The following SLC38A6 variants were observed in gnomAD, a reference collection of about 807,000 sequenced individuals.
SLC38A6 encodes the protein solute carrier family 38 member 6, also known as N system amino acid transporter NAT-1.
In SLC38A6, 73 loss-of-function variants were observed where a neutral mutation model predicts 65.0. The observed-to-expected ratio is 1.12, with a 90% CI of 0.93 to 1.37. The LOEUF (loss-of-function observed/expected upper bound fraction) is 1.37. Ranked by LOEUF, SLC38A6 falls within the 40% of genes most tolerant of loss-of-function variation. The probability of loss-of-function intolerance (pLI) is 0.00; values close to 1 mark genes in which losing one functional copy is unlikely to be tolerated. For missense variants in SLC38A6, 561 were observed against 531.1 expected (o/e 1.06, Z -0.55); for synonymous variants, 183 against 178.8 (o/e 1.02, Z -0.19).
chr14:61,068,041 T>C (rs1424366460), intron 15 of SLC38A6, among the ~76,000 whole-genome samples: 1 of 152,166 alleles, frequency 6.6e-6, no homozygotes, highest in Non-Finnish European at 1.5e-5. Context: ...ATTCCTGTAG[T>C]GTCATCTAAC....
intron 12 of SLC38A6, 107 bp downstream of exon 12, chr14:61,046,274 A>C (rs1228384111): frequency 1.9e-5 from 13 of 690,996 alleles, no homozygotes; most frequent in Non-Finnish European, 3.2e-5. Flanking sequence ...TAATTTGCTC[A>C]GATCACCAAA....
At chr14:60,985,671 T>C (rs937690005) in intron 3 of SLC38A6, among the ~76,000 whole-genome samples, 1 of 152,220 alleles carries the variant, frequency 6.6e-6, no homozygotes, top group Non-Finnish European at 1.5e-5. Flanking sequence ...ATGGATTTCT[T>C]AATTCATTTA....
At chr14:61,076,262 C>A (rs1316573076) in intron 15 of SLC38A6, among the ~76,000 whole-genome samples, 2 of 152,170 alleles carry the variant, frequency 1.3e-5, no homozygotes, top group Non-Finnish European at 2.9e-5. Context: ...TTATAATTCC[C>A]TGGTTTTCTT....
downstream of SLC38A6, among the ~76,000 whole-genome samples, chr14:61,053,922 G>A (rs538067301): frequency 6.6e-6 from 1 of 151,970 alleles, no homozygotes; most frequent in African/African-American, 2.4e-5. Flanking sequence ...GCAATTGCTT[G>A]GTGCCTTTGT....
At chr14:60,987,175 T>C (rs1242566144) in intron 3 of SLC38A6, 1 of 285,662 alleles carries the variant, frequency 3.5e-6, no homozygotes, top group African/African-American at 2.3e-5. Context: ...TTTCCTTTTT[T>C]TTTTTTTTTT....
At position 61,066,220 on chromosome 14, in the gene SLC38A6, G is replaced by C. The variant is rs542056984; in HGVS notation, c.1291-12590G>C. Among the ~76,000 whole-genome samples the C allele has an allele frequency of 5.3e-5, 8 of 152,264 alleles. No individual in the cohort carries two copies. In the East Asian group the frequency reaches 1.5e-3, roughly 29 times the overall value. ...CTGTATTTTTTCCATAAGGAGGTAGGAAAAGTAGGAAACAAAATTTTGATG... is the reference window on the plus strand; with the variant it reads ...CTGTATTTTTTCCATAAGGAGGTAGCAAAAGTAGGAAACAAAATTTTGATG... On this transcript the variant is annotated intron_variant, in intron 15 of 16. Transcript: ENST00000354886.
At chr14:61,025,100 C>G (rs954882113) in intron 5 of SLC38A6, among the ~76,000 whole-genome samples, 1 of 152,150 alleles carries the variant, frequency 6.6e-6, no homozygotes, top group African/African-American at 2.4e-5. Flanking sequence ...GGCACAGAAT[C>G]CACACACCTT....
intron 3 of SLC38A6, among the ~76,000 whole-genome samples, chr14:61,007,137 C>A (rs527317900): frequency 1.3e-5 from 2 of 151,886 alleles, no homozygotes; most frequent in Non-Finnish European, 2.9e-5. Context: ...AACACATGGA[C>A]GCAGGAAGGG....
chr14:61,050,713 A>C, intron 13 of SLC38A6, 77 bp downstream of exon 13: 1 of 1,269,514 alleles, frequency 7.9e-7, no homozygotes. Context: ...TGCAGAATAG[A>C]ATGTTTGAAT....
At chr14:61,059,440 A>AAT in intron 15 of SLC38A6, among the ~76,000 whole-genome samples, 1 of 3,786 alleles carries the variant, frequency 2.6e-4, no homozygotes. Context: ...AAGAATGTTG[A>AAT]ATATTGGCCC....
chr14:61,067,829 A>G (rs906952547), intron 15 of SLC38A6, among the ~76,000 whole-genome samples: 1 of 152,080 alleles, frequency 6.6e-6, no homozygotes, highest in Non-Finnish European at 1.5e-5. Flanking sequence ...AGCAGTTGAG[A>G]TCTTTTTTTT....
At position 60,982,610 on chromosome 14, in the gene SLC38A6, T is replaced by A. The variant is rs976272; in HGVS notation, c.208T>A (p.Leu70Met). 1,543,641 of 1,613,574 alleles carry A rather than the reference T, an allele frequency of 0.96. 742,354 individuals carry two copies. Among genetic ancestry groups the A allele is most frequent in the Non-Finnish European group, 0.99 (1,164,450 of 1,179,970 alleles). The change falls in exon 2 of 16, where the codon TTG becomes ATG. Residue 70 changes from leucine (L) to methionine (M), a missense_variant. Coordinates refer to ENST00000267488, the MANE Select transcript of SLC38A6 (RefSeq NM_153811.3). ...GSGILGLAYV[L>M]ANTGVFGFSF... ...TGGCATCCTTGGCTTAGCTTATGTT[T>A]TGGCTAATACCGGTGTCTTTGGATT...
intron 16 of SLC38A6, among the ~76,000 whole-genome samples, chr14:61,079,326 G>A (rs893959250): frequency 4.7e-4 from 71 of 151,192 alleles, no homozygotes; most frequent in African/African-American, 1.5e-3. Context: ...TATTAGAGGC[G>A]GGGTTTCACC....
At chr14:61,064,511 G>A (rs1017390902) in intron 15 of SLC38A6, among the ~76,000 whole-genome samples, 1 of 150,758 alleles carries the variant, frequency 6.6e-6, no homozygotes, top group South Asian at 2.1e-4. Flanking sequence ...AAACTTAGTA[G>A]CAAGAAAAAT....
chr14:60,981,649 T>C (rs983791220), intron 1 of SLC38A6: 2 of 1,437,504 alleles, frequency 1.4e-6, no homozygotes, highest in Non-Finnish European at 1.8e-6. Context: ...GCTGCGAACA[T>C]GATGGGATGA....
chr14:60,996,239 A>G (rs1255414948), intron 3 of SLC38A6, among the ~76,000 whole-genome samples: 1 of 152,212 alleles, frequency 6.6e-6, no homozygotes, highest in East Asian at 1.9e-4. Context: ...TCAGAGGAAA[A>G]GAGGAAACAG....
chr14:61,040,371 A>T (rs1958268), intron 8 of SLC38A6, among the ~76,000 whole-genome samples: 1 of 145,544 alleles, frequency 6.9e-6, no homozygotes, highest in Non-Finnish European at 1.5e-5. Flanking sequence ...ATGGAGTCTC[A>T]CTCTGTCACC....
At position 61,037,650 on chromosome 14, in the gene SLC38A6, A is replaced by T; in HGVS notation, c.591A>T (p.Leu197Phe). Residue 197 changes from leucine to phenylalanine, a missense_variant, in exon 8 of 16, where the codon TTA (leucine) becomes TTT (phenylalanine). Coordinates refer to ENST00000267488, the MANE Select transcript of SLC38A6 (RefSeq NM_153811.3). Reference protein sequence around the residue: ...KIGFLGYTSSLSFFFMMFFAL... With the variant: ...KIGFLGYTSSFSFFFMMFFAL... The stretch of plus-strand genomic sequence containing the variant: ...GCTTTCTTGGCTACACAAGTAGTTT[A>T]TCATTTTTCTTTATGATGTTCTTTG... The T allele has an allele frequency of 6.3e-7, 1 of 1,594,442 alleles. No individual in the cohort carries two copies. The highest frequency in any genetic ancestry group is 8.6e-7 in the Non-Finnish European group (1 of 1,167,296).
intron 3 of SLC38A6, among the ~76,000 whole-genome samples, chr14:61,013,713 C>G (rs1031456259): frequency 1.3e-5 from 2 of 152,154 alleles, no homozygotes; most frequent in African/African-American, 2.4e-5. Context: ...AATATTGGCC[C>G]CCAATGTCTT....
Sources: gnomAD v4.1 joint callset for allele counts (sites outside exome capture counted in the v4.1 genomes callset) on GRCh38, gnomAD v4.1.1 for gene constraint, MANE v1.5 for transcripts, NCBI Gene and HGNC (gene_info 2026-07-23, HGNC 2026-07-21) for gene names.